The following NLGN1 variants were observed in gnomAD, a reference collection of about 807,000 sequenced individuals.
NLGN1 encodes the protein neuroligin 1, also known as neuroligin-1.
NLGN1 carries 12 observed loss-of-function variants against 65.5 expected under a neutral mutation model. The ratio of observed to expected loss-of-function variants is 0.18; its 90% CI spans 0.12 to 0.30. NLGN1 has a LOEUF of 0.30. NLGN1 is among the 10% of genes least tolerant of loss of function. The pLI is 1.00. For synonymous variants in NLGN1, 350 were observed against 359.5 expected (o/e 0.97, Z 0.30); for missense variants, 750 against 1,007.1 (o/e 0.74, Z 3.46).
intron 4 of NLGN1, among the ~76,000 whole-genome samples, chr3:174,263,085 G>A (rs1353646370): frequency 1.4e-5 from 2 of 145,948 alleles, no homozygotes; most frequent in Non-Finnish European, 1.5e-5. Flanking sequence ...TACATTTGCT[G>A]AGGAGAGCTT....
intron 4 of NLGN1, among the ~76,000 whole-genome samples, chr3:174,000,505 A>T (rs1419912776): frequency 1.3e-5 from 2 of 152,160 alleles, no homozygotes; most frequent in Admixed American, 6.6e-5. Context: ...TGGATTCTGT[A>T]GGTATTGAAA....
chr3:174,131,978 A>G (rs1162007075), intron 4 of NLGN1, among the ~76,000 whole-genome samples: 1 of 152,180 alleles, frequency 6.6e-6, no homozygotes, highest in African/African-American at 2.4e-5. Flanking sequence ...CAGCTCAAAC[A>G]CTGGCTGGCT....
intron 4 of NLGN1, among the ~76,000 whole-genome samples, chr3:173,947,507 C>A (rs1747419158): frequency 6.6e-6 from 1 of 152,130 alleles, no homozygotes; most frequent in South Asian, 2.1e-4. Context: ...AGGTAGTGAA[C>A]TCTCAATACA....
intron 4 of NLGN1, among the ~76,000 whole-genome samples, chr3:174,116,014 TA>T (rs1397220852): frequency 6.6e-6 from 1 of 152,112 alleles, no homozygotes; most frequent in Non-Finnish European, 1.5e-5. Context: ...AATTTCCTAG[TA>T]AAAACTCTGA....
Position 173,607,870 on chromosome 3 carries a change from A to AT in NLGN1, c.493+2779_493+2780insT, listed in dbSNP as rs1328443388. Among the ~76,000 whole-genome samples, 10 of 151,748 alleles carry AT rather than the reference A, an allele frequency of 6.6e-5. No homozygotes were observed. The East Asian group carries it at 1.9e-3, about 29-fold the overall frequency. On this transcript the variant is annotated intron_variant, in intron 3 of 6. Transcript: ENST00000457714. ...CTTTGCCTTTTATCTAGATGCCATT[A>AT]AAATCCTGTCTTGTTATTATTTATT...
intron 2 of NLGN1, among the ~76,000 whole-genome samples, chr3:173,563,694 A>G (rs531756261): frequency 1.3e-5 from 2 of 151,918 alleles, no homozygotes; most frequent in South Asian, 4.2e-4. Flanking sequence ...TTTTTTTCTC[A>G]TACCCTTGTA....
At chr3:173,730,403 A>G (rs1400122848) in intron 3 of NLGN1, among the ~76,000 whole-genome samples, 1 of 150,676 alleles carries the variant, frequency 6.6e-6, no homozygotes, top group African/African-American at 2.4e-5. Context: ...TAGCCACACT[A>G]AAAGAAAAGA....
chr3:174,233,354 C>T (rs1223504507), intron 4 of NLGN1, among the ~76,000 whole-genome samples: 14 of 151,772 alleles, frequency 9.2e-5, no homozygotes, highest in South Asian at 6.2e-4. Context: ...GGAGTGGTGG[C>T]GCATGCCTGT....
chr3:173,744,653 C>T (rs1467272235), intron 3 of NLGN1, among the ~76,000 whole-genome samples: 2 of 152,070 alleles, frequency 1.3e-5, no homozygotes, highest in African/African-American at 2.4e-5. Flanking sequence ...ATTGTGTGAA[C>T]ACTAAGCTTC....
At chr3:174,092,736 A>T (rs1744762610) in intron 4 of NLGN1, among the ~76,000 whole-genome samples, 2 of 152,136 alleles carry the variant, frequency 1.3e-5, no homozygotes. Context: ...AATACTGGCC[A>T]CTTCATGAAG....
chr3:173,513,634 C>A (rs1733340493), intron 2 of NLGN1, among the ~76,000 whole-genome samples: 1 of 152,148 alleles, frequency 6.6e-6, no homozygotes, highest in Non-Finnish European at 1.5e-5. Context: ...AAAGTAGAAA[C>A]CAAAAGTCCT....
chr3:173,507,322 T>G (rs1732196649), intron 2 of NLGN1, among the ~76,000 whole-genome samples: 2 of 152,022 alleles, frequency 1.3e-5, no homozygotes, highest in South Asian at 4.1e-4. Context: ...CTTTTCATGG[T>G]TTGTAAAGGA....
intron 4 of NLGN1, among the ~76,000 whole-genome samples, chr3:173,938,801 AG>A (rs1305230681): frequency 1.3e-5 from 2 of 151,998 alleles, no homozygotes; most frequent in African/African-American, 2.4e-5. Context: ...TACCGAGAAA[AG>A]GCATCAACTC....
chr3:173,486,053 T>C (rs1458814063), intron 2 of NLGN1, among the ~76,000 whole-genome samples: 1 of 152,046 alleles, frequency 6.6e-6, no homozygotes, highest in Non-Finnish European at 1.5e-5. Flanking sequence ...TTATTTTTAT[T>C]TTTATTTTTG....
At chr3:174,184,222 A>C (rs1256143685) in intron 4 of NLGN1, among the ~76,000 whole-genome samples, 1 of 152,162 alleles carries the variant, frequency 6.6e-6, no homozygotes, top group East Asian at 1.9e-4. Flanking sequence ...GACCATCAAC[A>C]TTATTGTTAC....
intron 2 of NLGN1, among the ~76,000 whole-genome samples, chr3:173,520,748 A>G (rs1734615547): frequency 6.6e-6 from 1 of 152,242 alleles, no homozygotes; most frequent in South Asian, 2.1e-4. Context: ...GTTAAGGAAC[A>G]AACAAACAGA....
At chr3:173,459,506 A>G (rs911561180) in intron 2 of NLGN1, among the ~76,000 whole-genome samples, 8 of 152,066 alleles carry the variant, frequency 5.3e-5, no homozygotes, top group African/African-American at 1.7e-4. Flanking sequence ...CTAGTTCTTG[A>G]GTTTGTTATG....
intron 4 of NLGN1, among the ~76,000 whole-genome samples, chr3:173,811,468 G>A (rs1294478518): frequency 2.0e-5 from 3 of 151,408 alleles, no homozygotes; most frequent in African/African-American, 7.3e-5. Context: ...GGAGCCTGAG[G>A]CAGGAGAAGC....
chr3:173,735,100 T>C (rs1773533268), intron 3 of NLGN1, among the ~76,000 whole-genome samples: 2 of 152,116 alleles, frequency 1.3e-5, no homozygotes, highest in South Asian at 4.1e-4. Context: ...CAGTTGCCCT[T>C]ATGAGCTCTA....
Sources: allele counts gnomAD v4.1 joint callset (sites outside exome capture counted in the v4.1 genomes callset), GRCh38; gene constraint gnomAD v4.1.1; transcripts MANE v1.5; gene names NCBI Gene and HGNC (gene_info 2026-07-23, HGNC 2026-07-21).